The following RHAG variants were observed in gnomAD, a reference collection of about 807,000 sequenced individuals.
RHAG encodes ammonium transporter Rh type A.
A neutral mutation model predicts 42.4 loss-of-function variants in RHAG; 25 were observed. The ratio of observed to expected loss-of-function variants is 0.59; its 90% CI spans 0.43 to 0.82. The LOEUF (loss-of-function observed/expected upper bound fraction) is 0.82, where lower values mean the gene tolerates loss of function less well. Among genes scored for constraint, RHAG ranks in the 40% least tolerant of loss-of-function variants. The pLI, the probability that RHAG is intolerant of heterozygous loss-of-function variation, is 0.00. For synonymous variants in RHAG, 182 were observed against 177.7 expected (o/e 1.02, Z -0.19); for missense variants, 483 against 504.6 (o/e 0.96, Z 0.41).
At chr6:49,629,502 C>G (rs1487676681) in intron 1 of RHAG, among the ~76,000 whole-genome samples, 1 of 152,236 alleles carries the variant, frequency 6.6e-6, no homozygotes, top group Non-Finnish European at 1.5e-5. Context: ...GATCCCGCAC[C>G]AGGCATGCAG....
chr6:49,614,929 T>A (rs1405709047), intron 4 of RHAG, 76 bp from the exon 5 acceptor site: 2 of 1,292,468 alleles, frequency 1.5e-6, no homozygotes, highest in African/African-American at 3.0e-5. Context: ...GCTTTATTTA[T>A]TTATTTACTT....
chr6:49,607,099 A>T, intron 8 of RHAG, 51 bp downstream of exon 8: 1 of 1,479,932 alleles, frequency 6.8e-7, no homozygotes, highest in Non-Finnish European at 9.4e-7. Flanking sequence ...TATCTATTGT[A>T]AATAATCTGA....
chr6:49,608,489 T>C (rs931816642), intron 7 of RHAG, among the ~76,000 whole-genome samples: 1 of 152,166 alleles, frequency 6.6e-6, no homozygotes, highest in Non-Finnish European at 1.5e-5. Flanking sequence ...GCAATTCTCC[T>C]GACTCAGCCT....
intron 1 of RHAG, among the ~76,000 whole-genome samples, chr6:49,631,422 C>G (rs1324467794): frequency 1.3e-5 from 2 of 152,094 alleles, no homozygotes; most frequent in Non-Finnish European, 2.9e-5. Context: ...CCTCCTTCTC[C>G]TCTTTTTCTC....
At chr6:49,609,155 G>A (rs1762525654) in intron 7 of RHAG, among the ~76,000 whole-genome samples, 1 of 152,080 alleles carries the variant, frequency 6.6e-6, no homozygotes, top group Admixed American at 6.6e-5. Context: ...TGGTTCTCAG[G>A]CAGTATTTTA....
At chr6:49,606,374 G>A (rs1380002263) in intron 9 of RHAG, among the ~76,000 whole-genome samples, 1 of 151,900 alleles carries the variant, frequency 6.6e-6, no homozygotes, top group African/African-American at 2.4e-5. Flanking sequence ...AGCTTTTTAT[G>A]GCTCTCAGAG....
intron 5 of RHAG, among the ~76,000 whole-genome samples, chr6:49,613,784 G>A (rs1410372567): frequency 6.6e-6 from 1 of 152,138 alleles, no homozygotes; most frequent in Non-Finnish European, 1.5e-5. Context: ...GTTTCCATAT[G>A]TCCCTCATCC....
At position 49,611,164 on chromosome 6, in the gene RHAG, G is replaced by A; in HGVS notation, c.946-19C>T. 1.9e-6 allele frequency: 3 copies of A among 1,601,930 alleles called. No individual in the cohort carries two copies. The highest frequency in any genetic ancestry group is 1.7e-5 in the Admixed American group (1 of 59,996). On this transcript the variant is annotated intron_variant, in intron 6 of 9. Transcript: ENST00000371175. ...AAAGTGGCTAAAATTATAAAAGGAA[G>A]AAGGTTTATTATTTAGTTAAACATA...
intron 5 of RHAG, 120 bp from the exon 6 acceptor site, chr6:49,612,654 T>G: frequency 3.4e-6 from 4 of 1,189,630 alleles, no homozygotes; most frequent in Non-Finnish European, 3.7e-6. Flanking sequence ...GGCTATTGGT[T>G]CTTTTTTAAA....
chr6:49,627,353 C>T (rs1022049946), intron 1 of RHAG, among the ~76,000 whole-genome samples: 2 of 152,172 alleles, frequency 1.3e-5, no homozygotes, highest in South Asian at 2.1e-4. Flanking sequence ...CAAAACTATG[C>T]CAGCCTCTTT....
chr6:49,628,330 C>T (rs181144835), intron 1 of RHAG, among the ~76,000 whole-genome samples: 1 of 152,016 alleles, frequency 6.6e-6, no homozygotes, highest in Admixed American at 6.6e-5. Flanking sequence ...TGTTTTGTAG[C>T]GACAGGGTCT....
In RHAG at chr6:49,623,191, C is replaced by T. The variant is rs1346440170; in HGVS notation, c.158-3829G>A. 7.9e-5 allele frequency among the ~76,000 whole-genome samples: 12 copies of T among 152,270 alleles called. No homozygotes were observed. The East Asian group carries it at 2.3e-3, about 29-fold the overall frequency. On this transcript the variant is annotated intron_variant, in intron 1 of 9. Coordinates refer to ENST00000371175, the MANE Select transcript of RHAG (RefSeq NM_000324.3). ...AATTTCATATATTAACTGTGCTTCA[C>T]TGTTTTTCCCTCTTCTGATGTAATT...
intron 5 of RHAG, 30 bp downstream of exon 5, chr6:49,614,643 GTGTTGTGAAGCAAA>G (rs1317907523): frequency 6.3e-7 from 1 of 1,578,364 alleles, no homozygotes; most frequent in Non-Finnish European, 8.7e-7. Flanking sequence ...GCAACTGTCA[GTGTTGTGAAGCAAA>G]ATTTCCATGA....
intron 1 of RHAG, among the ~76,000 whole-genome samples, chr6:49,622,702 C>CA (rs1229177048): frequency 2.6e-5 from 4 of 152,110 alleles, no homozygotes; most frequent in Admixed American, 2.6e-4. Flanking sequence ...ATGTTTTTAC[C>CA]AGCAGTGTGA....
chr6:49,611,143 T>G lies in RHAG; in HGVS notation c.948A>C (p.Pro316=), dbSNP rs906910829. The change falls in exon 7 of 10, where the codon CCA becomes CCC. Residue 316 remains proline (P), a splice_region_variant and synonymous_variant. Transcript: ENST00000371175. ...VSVLGYKFLT[P]LFTTKLRIHD... is the part of the protein sequence containing the mutation. Reference sequence around the variant, plus strand: ...GGATCCTCAGTTTAGTAGTAAAAAGTGGCTAAAATTATAAAAGGAAGAAGG... The same window carrying G: ...GGATCCTCAGTTTAGTAGTAAAAAGGGGCTAAAATTATAAAAGGAAGAAGG... The G allele has an allele frequency of 2.5e-6, 4 of 1,612,490 alleles. No homozygotes were observed. The highest frequency in any genetic ancestry group is 3.4e-6 in the Non-Finnish European group (4 of 1,179,006).
chr6:49,621,717 G>T (rs186130719), intron 1 of RHAG, among the ~76,000 whole-genome samples: 1 of 152,196 alleles, frequency 6.6e-6, no homozygotes, highest in Admixed American at 6.5e-5. Context: ...AGAATAAATT[G>T]GACAGGAACT....
chr6:49,614,726 G>A lies in RHAG; in HGVS notation c.768C>T (p.Ala256=), dbSNP rs1762624581. ...CTCGGTGCTCCACTAGGCTGGAGAA[G>A]GCAAAGGCTGTGAGCACACAGGCAG... is the stretch of plus-strand genomic sequence containing the variant. ...SLAACVLTAF[A]FSSLVEHRGK... is the part of the protein sequence containing the mutation. Residue 256 remains alanine, a synonymous_variant, in exon 5 of 10, where the codon GCC becomes GCT. Transcript: ENST00000371175. The A allele has an allele frequency of 3.7e-6, 6 of 1,613,962 alleles. No homozygotes were observed. The highest frequency in any genetic ancestry group is 4.2e-6 in the Non-Finnish European group (5 of 1,180,036).
chr6:49,610,750 A>AGGGG (rs1294683494), intron 7 of RHAG, among the ~76,000 whole-genome samples: 1 of 152,188 alleles, frequency 6.6e-6, no homozygotes, highest in African/African-American at 2.4e-5. Flanking sequence ...TCTGACTGTG[A>AGGGG]TTATCAAATT....
chr6:49,622,973 C>G (rs1296194301), intron 1 of RHAG, among the ~76,000 whole-genome samples: 1 of 151,624 alleles, frequency 6.6e-6, no homozygotes, highest in Non-Finnish European at 1.5e-5. Context: ...GTAGCTGGGA[C>G]TACAGGCGTC....
Sources: allele counts gnomAD v4.1 joint callset (sites outside exome capture counted in the v4.1 genomes callset), GRCh38; gene constraint gnomAD v4.1.1; transcripts MANE v1.5; gene names NCBI Gene and HGNC (gene_info 2026-07-23, HGNC 2026-07-21).